KCNH8: variants seen among roughly 807,000 people sequenced by gnomAD.
The protein encoded by KCNH8 is potassium voltage-gated channel subfamily H member 8.
In KCNH8, 70 loss-of-function variants were observed where a neutral mutation model predicts 103.6. That is an observed-to-expected ratio of 0.68 (90% CI 0.56 to 0.82). The LOEUF is 0.82. Among genes scored for constraint, KCNH8 ranks in the 40% least tolerant of loss-of-function variants. The pLI is 0.00. For synonymous variants in KCNH8, 498 were observed against 489.4 expected (o/e 1.02, Z -0.23); for missense variants, 1,217 against 1,329.9 (o/e 0.92, Z 1.32).
At chr3:19,202,289 T>C (rs1355522151) in intron 1 of KCNH8, among the ~76,000 whole-genome samples, 1 of 152,160 alleles carries the variant, frequency 6.6e-6, no homozygotes, top group African/African-American at 2.4e-5. Flanking sequence ...TTTATTAAGA[T>C]GAGCTGGGTT....
intron 3 of KCNH8, among the ~76,000 whole-genome samples, chr3:19,289,927 A>G (rs1270944524): frequency 2.0e-5 from 3 of 152,072 alleles, no homozygotes; most frequent in Non-Finnish European, 4.4e-5. Flanking sequence ...TTCATTGAGC[A>G]GTGGTTTGTA....
intron 1 of KCNH8, among the ~76,000 whole-genome samples, chr3:19,161,251 G>T (rs2063231513): frequency 6.6e-6 from 1 of 152,192 alleles, no homozygotes; most frequent in Non-Finnish European, 1.5e-5. Flanking sequence ...ACTATCGTCG[G>T]TTTTAGGCAT....
intron 11 of KCNH8, among the ~76,000 whole-genome samples, chr3:19,488,594 C>T (rs765891965): frequency 1.1e-4 from 16 of 152,168 alleles, no homozygotes; most frequent in African/African-American, 3.9e-4. Context: ...TGGACTCTCC[C>T]CTTTTTCTTG....
At chr3:19,258,979 A>C (rs1010546404) in intron 2 of KCNH8, among the ~76,000 whole-genome samples, 9 of 127,056 alleles carry the variant, frequency 7.1e-5, no homozygotes, top group African/African-American at 2.3e-4. Context: ...ATATATATAT[A>C]TATCTGGAAA....
intron 11 of KCNH8, among the ~76,000 whole-genome samples, chr3:19,469,562 C>A (rs977074185): frequency 6.6e-6 from 1 of 152,080 alleles, no homozygotes; most frequent in African/African-American, 2.4e-5. Flanking sequence ...GCCTCAGCCT[C>A]CCAAGTAGCT....
intron 3 of KCNH8, among the ~76,000 whole-genome samples, chr3:19,283,584 C>T (rs2064786306): frequency 1.3e-5 from 2 of 151,638 alleles, no homozygotes; most frequent in East Asian, 3.9e-4. Context: ...TATAAATGTC[C>T]CATAGAAGTA....
rs34714826 is a variant in KCNH8 at position 19,326,356 on chromosome 3, A to AATATATATATATAT, written c.443-16217_443-16204dup. On this transcript the variant is annotated intron_variant, in intron 3 of 15. Coordinates refer to ENST00000328405, the MANE Select transcript of KCNH8 (RefSeq NM_144633.3). ...ACCCCTGAACTTACAATGAAAGTTAAATATATATATATATATATATATATA... is the reference window on the plus strand; with the variant it reads ...ACCCCTGAACTTACAATGAAAGTTAAATATATATATATATATATATATATATATATATATATATA... Among the ~76,000 whole-genome samples the AATATATATATATAT allele has an allele frequency of 2.1e-3, 283 of 135,722 alleles. 2 individuals carry two copies. The highest frequency in any genetic ancestry group is 7.2e-3 in the African/African-American group (258 of 35,890). The allele number at this position is 135,722 out of a possible 152,430, so 89.0% of individuals were successfully genotyped here.
At chr3:19,501,233 G>T (rs1280027916) in intron 11 of KCNH8, among the ~76,000 whole-genome samples, 1 of 151,868 alleles carries the variant, frequency 6.6e-6, no homozygotes, top group African/African-American at 2.4e-5. Flanking sequence ...CCAGGAAGAA[G>T]TTGAATCTCT....
At chr3:19,261,534 A>G (rs958864420) in intron 2 of KCNH8, among the ~76,000 whole-genome samples, 1 of 151,514 alleles carries the variant, frequency 6.6e-6, no homozygotes, top group South Asian at 2.1e-4. Context: ...TTTTTTCTCA[A>G]TTTGTAGGTT....
intron 7 of KCNH8, among the ~76,000 whole-genome samples, chr3:19,423,506 A>G (rs1461844040): frequency 2.6e-5 from 4 of 152,046 alleles, no homozygotes; most frequent in African/African-American, 9.7e-5. Flanking sequence ...GCTCTCACTT[A>G]TAAGTGAGAA....
At chr3:19,376,138 G>A (rs890689209) in intron 5 of KCNH8, among the ~76,000 whole-genome samples, 20 of 151,278 alleles carry the variant, frequency 1.3e-4, no homozygotes, top group African/African-American at 2.4e-4. Context: ...CAGTTCGAGC[G>A]TCCAGGCTGC....
intron 1 of KCNH8, among the ~76,000 whole-genome samples, chr3:19,203,757 A>G (rs1310702206): frequency 6.6e-6 from 1 of 152,024 alleles, no homozygotes; most frequent in African/African-American, 2.4e-5. Flanking sequence ...TTCTAGACTA[A>G]TTTCTTACAC....
At chr3:19,310,449 T>A (rs2065193454) in intron 3 of KCNH8, among the ~76,000 whole-genome samples, 1 of 151,904 alleles carries the variant, frequency 6.6e-6, no homozygotes, top group African/African-American at 2.4e-5. Flanking sequence ...ATATAACATA[T>A]CATGAAATGT....
At chr3:19,306,158 G>C (rs1384471643) in intron 3 of KCNH8, among the ~76,000 whole-genome samples, 2 of 151,958 alleles carry the variant, frequency 1.3e-5, no homozygotes, top group African/African-American at 4.8e-5. Flanking sequence ...AAAATGTTCA[G>C]GTCAAATGAA....
chr3:19,152,368 G>C (rs752744721), intron 1 of KCNH8, among the ~76,000 whole-genome samples: 1 of 152,088 alleles, frequency 6.6e-6, no homozygotes, highest in Non-Finnish European at 1.5e-5. Context: ...TTTTAAAAAA[G>C]ATACAAAGCT....
At chr3:19,323,131 T>C (rs1369261700) in intron 3 of KCNH8, among the ~76,000 whole-genome samples, 1 of 152,172 alleles carries the variant, frequency 6.6e-6, no homozygotes, top group African/African-American at 2.4e-5. Context: ...TTACCTTTCT[T>C]TGGTGCGTCC....
chr3:19,265,294 G>A (rs2064492143), intron 2 of KCNH8, among the ~76,000 whole-genome samples: 1 of 152,056 alleles, frequency 6.6e-6, no homozygotes, highest in Non-Finnish European at 1.5e-5. Flanking sequence ...ATCAGGAACA[G>A]CCACATAATG....
intron 3 of KCNH8, among the ~76,000 whole-genome samples, chr3:19,303,110 C>T (rs142323832): frequency 1.8e-3 from 280 of 152,284 alleles, no homozygotes; most frequent in Admixed American, 3.3e-3. Context: ...CCCCTTTCTA[C>T]TCACTTTTCT....
intron 1 of KCNH8, among the ~76,000 whole-genome samples, chr3:19,203,054 T>G (rs942105049): frequency 2.6e-5 from 4 of 152,166 alleles, no homozygotes; most frequent in African/African-American, 9.7e-5. Flanking sequence ...AATATATTTG[T>G]ATTTTGAATA....
Sources: allele counts gnomAD v4.1 joint callset (sites outside exome capture counted in the v4.1 genomes callset), GRCh38; gene constraint gnomAD v4.1.1; transcripts MANE v1.5; gene names NCBI Gene and HGNC (gene_info 2026-07-23, HGNC 2026-07-21).